The following PCDHA6 variants were observed in gnomAD, a reference collection of about 807,000 sequenced individuals.
PCDHA6 encodes the protein protocadherin alpha 6, also known as protocadherin alpha-6.
Under a neutral mutation model 60.3 loss-of-function variants are expected in PCDHA6, and 55 were observed. That is an observed-to-expected ratio of 0.91 (90% CI 0.73 to 1.14). PCDHA6 has a LOEUF of 1.14. Ranked by LOEUF, PCDHA6 falls within the 50% of genes most tolerant of loss-of-function variation. PCDHA6 has a pLI of 0.00. For missense variants in PCDHA6, 1,327 were observed against 1,256.5 expected (o/e 1.06, Z -0.85); for synonymous variants, 652 against 557.9 (o/e 1.17, Z -2.38).
rs559156187 is a variant in PCDHA6 at position 140,858,121 on chromosome 5, G to A, written c.2394+27636G>A. On this transcript the variant is annotated intron_variant, in intron 1 of 3. Coordinates refer to ENST00000529310, the MANE Select transcript of PCDHA6 (RefSeq NM_018909.4). ...TGGGCGTGGCGCCCGAGGTGGCCCTGGTGGATGTCAACGTGTACCTGATCA... is the reference window on the plus strand; with the variant it reads ...TGGGCGTGGCGCCCGAGGTGGCCCTAGTGGATGTCAACGTGTACCTGATCA... 7 of 1,597,864 alleles carry A rather than the reference G, an allele frequency of 4.4e-6. No individual in the cohort carries two copies. The South Asian group carries it at 5.5e-5, about 13-fold the overall frequency.
In PCDHA6 at chr5:140,843,721, T is replaced by C. The variant is rs2150365557; in HGVS notation, c.2394+13236T>C. 8 of 1,563,020 alleles carry C rather than the reference T, an allele frequency of 5.1e-6. 1 individual carries two copies. Among genetic ancestry groups the C allele is most frequent in the Non-Finnish European group, 7.0e-6 (8 of 1,139,046 alleles). On this transcript the variant is annotated intron_variant, in intron 1 of 3. Coordinates refer to ENST00000529310, the MANE Select transcript of PCDHA6 (RefSeq NM_018909.4). ...ATGTTGATCATGGCCTCAAAGTAAG[T>C]CCATTTAAATTTAGAACTCATAAAT...
chr5:140,916,143 T>C (rs1237563249), intron 1 of PCDHA6, among the ~76,000 whole-genome samples: 3 of 152,012 alleles, frequency 2.0e-5, no homozygotes, highest in African/African-American at 7.2e-5. Flanking sequence ...GCTGTTCAGT[T>C]GTGTTGTGGT....
chr5:140,838,953 TA>T (rs1215369641), intron 1 of PCDHA6, among the ~76,000 whole-genome samples: 1 of 151,860 alleles, frequency 6.6e-6, no homozygotes, highest in Non-Finnish European at 1.5e-5. Flanking sequence ...TAAAATAAAA[TA>T]AAAACCCAGA....
chr5:140,933,429 G>A (rs2089147163), intron 1 of PCDHA6, among the ~76,000 whole-genome samples: 1 of 151,830 alleles, frequency 6.6e-6, no homozygotes, highest in South Asian at 2.1e-4. Flanking sequence ...GTTCATAGGG[G>A]CACTCTAATG....
At position 140,957,153 on chromosome 5, in the gene PCDHA6, A is replaced by G. The variant is rs988889035; in HGVS notation, c.2395-21796A>G. Among the ~76,000 whole-genome samples, 121 of 152,268 alleles carry G rather than the reference A, an allele frequency of 7.9e-4. 1 individual carries two copies. Among genetic ancestry groups the G allele is most frequent in the East Asian group, 3.9e-4 (2 of 5,186 alleles). On this transcript the variant is annotated intron_variant, in intron 1 of 3. Transcript: ENST00000529310. Reference sequence around the variant, plus strand: ...ACACTATGAACTAAAAATTTTGGAGACAAATCTAAGTATATAAATTGGTTT... The same window carrying G: ...ACACTATGAACTAAAAATTTTGGAGGCAAATCTAAGTATATAAATTGGTTT...
intron 1 of PCDHA6, chr5:140,870,398 C>T: frequency 1.2e-6 from 2 of 1,614,234 alleles, no homozygotes; most frequent in Non-Finnish European, 1.7e-6. Context: ...GGGGGTTCGC[C>T]TTCTCTGTGG....
intron 1 of PCDHA6, among the ~76,000 whole-genome samples, chr5:140,880,055 C>G (rs1024788960): frequency 1.3e-5 from 2 of 152,146 alleles, no homozygotes; most frequent in Admixed American, 6.5e-5. Flanking sequence ...GTGGGCATAA[C>G]TTTTTGGGGA....
At chr5:140,834,878 C>G in intron 1 of PCDHA6, 1 of 1,607,956 alleles carries the variant, frequency 6.2e-7, no homozygotes, top group Non-Finnish European at 8.5e-7. Context: ...TCGGGGAGAA[C>G]GCCCTGCTCA....
In PCDHA6 at chr5:140,869,461, A is replaced by G. The variant is rs372195509; in HGVS notation, c.2394+38976A>G. ...CAGGCCGCTGCAGGTTTTCCATGTG[A>G]ACGTGGAGGTGAAGGACATTAACGA... On this transcript the variant is annotated intron_variant, in intron 1 of 3. Transcript: ENST00000529310. 5.8e-5 allele frequency: 94 copies of G among 1,614,148 alleles called. No homozygotes were observed. In the African/African-American group the frequency reaches 7.9e-4, roughly 13 times the overall value.
chr5:140,854,158 T>TTAAA, intron 1 of PCDHA6: 1 of 123,422 alleles, frequency 8.1e-6, no homozygotes, highest in Non-Finnish European at 1.0e-5. Flanking sequence ...AGATTCTGTC[T>TTAAA]CAAAAAAAAA....
rs191774551 is a variant in PCDHA6, at chr5:140,984,794, A to C, written c.2542+2231A>C. Among the ~76,000 whole-genome samples, 4 of 152,294 alleles carry C rather than the reference A, an allele frequency of 2.6e-5. No homozygotes were observed. In the East Asian group the frequency reaches 7.7e-4, roughly 29 times the overall value. ...CTTACTTGCTGGGTGAGCATAGACA[A>C]ACTGCCTGAATTCATATTTTCTTAA... On this transcript the variant is annotated intron_variant, in intron 3 of 3. Transcript: ENST00000529310.
At chr5:140,872,638 G>A (rs1429990038) in intron 1 of PCDHA6, among the ~76,000 whole-genome samples, 2 of 152,092 alleles carry the variant, frequency 1.3e-5, no homozygotes, top group Admixed American at 1.3e-4. Flanking sequence ...TTTGTTCCAT[G>A]AAAAGGCAAG....
intron 1 of PCDHA6, among the ~76,000 whole-genome samples, chr5:140,855,675 G>T (rs1554147907): frequency 6.7e-6 from 1 of 149,648 alleles, no homozygotes; most frequent in African/African-American, 2.5e-5. Context: ...TACTCTGAGA[G>T]TCTACATTTA....
intron 1 of PCDHA6, chr5:140,867,665 T>C (rs2050092984): frequency 6.6e-6 from 1 of 152,154 alleles, no homozygotes; most frequent in Non-Finnish European, 1.5e-5. Context: ...CACTTTCTAC[T>C]CTAAAATTTT....
intron 1 of PCDHA6, chr5:140,850,651 C>T (rs2150492277): frequency 1.9e-6 from 3 of 1,598,626 alleles, no homozygotes; most frequent in Admixed American, 1.7e-5. Flanking sequence ...CTGCTGTACA[C>T]TGTGCTGCGG....
chr5:140,903,688 A>G (rs1392078626), intron 1 of PCDHA6, among the ~76,000 whole-genome samples: 13 of 152,242 alleles, frequency 8.5e-5, no homozygotes, highest in Admixed American at 7.9e-4. Flanking sequence ...TTTGGTAAAT[A>G]GTTTAAAATA....
chr5:140,883,862 C>T (rs1467289225), intron 1 of PCDHA6: 3 of 1,613,000 alleles, frequency 1.9e-6, no homozygotes, highest in Non-Finnish European at 1.7e-6. Flanking sequence ...GGAGCTGTTG[C>T]AGTTCCAGGT....
chr5:140,835,560 G>A, intron 1 of PCDHA6: 3 of 1,613,902 alleles, frequency 1.9e-6, no homozygotes, highest in Non-Finnish European at 2.5e-6. Flanking sequence ...GACGCCCCGC[G>A]TTCCCTTCAA....
At chr5:140,877,284 C>T (rs1318334277) in intron 1 of PCDHA6, 3 of 1,613,900 alleles carry the variant, frequency 1.9e-6, no homozygotes, top group Non-Finnish European at 2.5e-6. Context: ...CCGGCTATAA[C>T]GCTTGGCTGT....
Sources: allele counts gnomAD v4.1 joint callset (sites outside exome capture counted in the v4.1 genomes callset), GRCh38; gene constraint gnomAD v4.1.1; transcripts MANE v1.5; gene names NCBI Gene and HGNC (gene_info 2026-07-23, HGNC 2026-07-21).